PIN4: variants seen among roughly 807,000 people sequenced by gnomAD.
PIN4 encodes the protein peptidyl-prolyl cis-trans isomerase NIMA-interacting 4.
A neutral mutation model predicts 8.3 loss-of-function variants in PIN4; 3 were observed. That is an observed-to-expected ratio of 0.36 (90% CI 0.16 to 0.93). The LOEUF is 0.93. PIN4 is among the 40% of genes least tolerant of loss of function. The pLI, the probability that PIN4 is intolerant of heterozygous loss-of-function variation, is 0.44. For missense variants in PIN4, 75 were observed against 100.6 expected, an observed-to-expected ratio of 0.75 and a Z score of 1.09; for synonymous variants, 18 against 32.5, an observed-to-expected ratio of 0.55 and a Z score of 1.52.
At chrX:72,196,571 G>T (rs774273353) in intron 2 of PIN4, among the ~76,000 whole-genome samples, 1 of 109,719 alleles carries the variant, frequency 9.1e-6, no homozygotes, top group African/African-American at 3.3e-5. Context: ...ACAGCCAGGT[G>T]CCTATTTTCC....
intron 2 of PIN4, among the ~76,000 whole-genome samples, chrX:72,190,192 T>C (rs12835278): frequency 0.023 from 2,621 of 111,848 alleles, 33 homozygotes; most frequent in Admixed American, 0.037. Context: ...GGCTTGATCA[T>C]TGGATTGAGG....
rs150866304 is a variant in PIN4, at chrX:72,259,064, C to G, written c.313-3643C>G. Among the ~76,000 whole-genome samples, 603 of 111,039 alleles carry G rather than the reference C, an allele frequency of 5.4e-3. 4 individuals are homozygous for G. The highest frequency in any genetic ancestry group is 0.019 in the African/African-American group (585 of 30,524). ...AAATCTCAATTATCATATTATTTTCCAAAACACTTTTGTTGTCATCCCTGC... is the reference window on the plus strand; with the variant it reads ...AAATCTCAATTATCATATTATTTTCGAAAACACTTTTGTTGTCATCCCTGC... On this transcript the variant is annotated intron_variant, in intron 3 of 3. Coordinates refer to the PIN4 transcript ENST00000423432.
At chrX:72,192,385 C>T (rs999319472) in intron 2 of PIN4, among the ~76,000 whole-genome samples, 2 of 111,584 alleles carry the variant, frequency 1.8e-5, no homozygotes, top group Admixed American at 1.9e-4. Context: ...TGTATTCTGG[C>T]TTCTGCACTT....
At chrX:72,244,184 T>C (rs2043059516) in intron 3 of PIN4, among the ~76,000 whole-genome samples, 1 of 112,007 alleles carries the variant, frequency 8.9e-6, no homozygotes, top group Non-Finnish European at 1.9e-5. Flanking sequence ...TAAAGTTCCA[T>C]GGTGAAGATG....
intron 2 of PIN4, among the ~76,000 whole-genome samples, chrX:72,187,469 T>G (rs1569488246): frequency 9.0e-6 from 1 of 111,623 alleles, no homozygotes; most frequent in African/African-American, 3.3e-5. Context: ...TGTATTAGGC[T>G]CTGGGGATTT....
At chrX:72,238,988 A>G in intron 3 of PIN4, 1 of 995,460 alleles carries the variant, frequency 1.0e-6, no homozygotes, top group Non-Finnish European at 1.4e-6. Context: ...TGGAGCTTAG[A>G]GTTTGGAGCT....
chrX:72,203,965 AGAC>A (rs756720077), intron 3 of PIN4, among the ~76,000 whole-genome samples: 17 of 112,266 alleles, frequency 1.5e-4, no homozygotes, highest in African/African-American at 5.2e-4. Context: ...GTGTCAGAAT[AGAC>A]GAGATACCTG....
intron 2 of PIN4, among the ~76,000 whole-genome samples, chrX:72,196,312 G>A (rs2042765191): frequency 1.8e-5 from 2 of 110,148 alleles, no homozygotes; most frequent in South Asian, 3.9e-4. Flanking sequence ...AAGGCGGGTG[G>A]ATCACGAGGT....
chrX:72,181,717 A>G (rs764405239), upstream of PIN4: 7 of 1,096,823 alleles, frequency 6.4e-6, no homozygotes, highest in South Asian at 1.1e-4. Flanking sequence ...GGACATGCCC[A>G]TGGCGGGGCT....
intron 3 of PIN4, among the ~76,000 whole-genome samples, chrX:72,251,829 G>A (rs2043088707): frequency 9.0e-6 from 1 of 110,927 alleles, no homozygotes; most frequent in African/African-American, 3.3e-5. Context: ...TGAAGTGGGA[G>A]GCTGAAGTGG....
intron 3 of PIN4, among the ~76,000 whole-genome samples, chrX:72,256,540 A>G (rs73624227): frequency 0.023 from 2,607 of 111,771 alleles, 85 homozygotes; most frequent in African/African-American, 0.081. Flanking sequence ...TCAGTTTACC[A>G]ATTCAAATGT....
intron 3 of PIN4, among the ~76,000 whole-genome samples, chrX:72,240,539 C>A (rs765913228): frequency 9.0e-6 from 1 of 111,379 alleles, no homozygotes. Context: ...GGTTCAGTGG[C>A]TCACTGAACC....
At chrX:72,243,142 C>A (rs1292684582) in intron 3 of PIN4, among the ~76,000 whole-genome samples, 1 of 110,606 alleles carries the variant, frequency 9.0e-6, no homozygotes, top group Non-Finnish European at 1.9e-5. Flanking sequence ...ATGGTGAAAC[C>A]CCATCTCTAC....
chrX:72,186,268 G>A (rs770493265), intron 1 of PIN4, 193 bp from the exon 2 acceptor site: 1 of 476,237 alleles, frequency 2.1e-6, no homozygotes, highest in Admixed American at 2.8e-5. Flanking sequence ...CGTATTTTGT[G>A]TGGCCCAAGA....
intron 3 of PIN4, among the ~76,000 whole-genome samples, chrX:72,229,042 G>C (rs1485197341): frequency 9.0e-6 from 1 of 111,006 alleles, no homozygotes; most frequent in Non-Finnish European, 1.9e-5. Flanking sequence ...CCTACTTCCA[G>C]GGCCAATCAG....
chrX:72,252,228 A>T (rs770469886), intron 3 of PIN4, among the ~76,000 whole-genome samples: 3 of 110,901 alleles, frequency 2.7e-5, no homozygotes, highest in African/African-American at 9.8e-5. Flanking sequence ...GGTTCACTGT[A>T]GCCTCAACCT....
At chrX:72,185,336 C>T (rs762596752) in intron 1 of PIN4, among the ~76,000 whole-genome samples, 38 of 109,610 alleles carry the variant, frequency 3.5e-4, no homozygotes, top group African/African-American at 1.1e-3. Context: ...CATACCATGT[C>T]GTTTCCCCCA....
At chrX:72,181,993 G>A (rs998825615) in intron 1 of PIN4, 165 bp downstream of exon 1, 26 of 474,355 alleles carry the variant, frequency 5.5e-5, no homozygotes, top group Non-Finnish European at 1.1e-5. Context: ...ACGGTTCAGG[G>A]ACCGTCCTAG....
intron 3 of PIN4, among the ~76,000 whole-genome samples, chrX:72,247,362 G>A (rs1012900268): frequency 1.8e-5 from 2 of 112,179 alleles, no homozygotes; most frequent in East Asian, 5.6e-4. Flanking sequence ...AGAGCCCAGT[G>A]TCGCTGGACT....
Sources: gnomAD v4.1 joint callset for allele counts (sites outside exome capture counted in the v4.1 genomes callset) on GRCh38, gnomAD v4.1.1 for gene constraint, MANE v1.5 for transcripts, NCBI Gene and HGNC (gene_info 2026-07-23, HGNC 2026-07-21) for gene names.